AK8: variants seen among roughly 807,000 people sequenced by gnomAD.
AK8 encodes adenylate kinase 8.
A neutral mutation model predicts 54.6 loss-of-function variants in AK8; 44 were observed. The ratio of observed to expected loss-of-function variants is 0.81; its 90% CI spans 0.63 to 1.04. The LOEUF is 1.04. AK8 is among the 50% of genes least tolerant of loss of function. AK8 has a pLI of 0.00. For missense variants in AK8, 555 were observed against 613.6 expected (o/e 0.90, Z 1.01); for synonymous variants, 239 against 245.6 (o/e 0.97, Z 0.25).
intron 10 of AK8, among the ~76,000 whole-genome samples, chr9:132,805,809 A>C (rs1265298278): frequency 6.6e-6 from 1 of 151,664 alleles, no homozygotes; most frequent in African/African-American, 2.4e-5. Context: ...GCTGAAAAAG[A>C]CTCCTACCTA....
Position 132,837,191 on chromosome 9 carries a change from C to T in AK8, c.403-8465G>A, listed in dbSNP as rs371412777. Among the ~76,000 whole-genome samples, 15 of 151,972 alleles carry T rather than the reference C, an allele frequency of 9.9e-5. No homozygotes were observed. The highest frequency in any genetic ancestry group is 3.9e-4 in the Admixed American group (6 of 15,254). On this transcript the variant is annotated intron_variant, in intron 5 of 12. Transcript: ENST00000298545. The surrounding 1 kb of genome is among the most constrained non-coding windows in gnomAD (Gnocchi z 4.3). ...AAAATTATCTGGGCGTGGTGGCGGG[C>T]GCCTGTAATCCCAGCTACTCGGGAG... is the stretch of plus-strand genomic sequence containing the variant.
At chr9:132,729,092 C>T (rs1836706988) in intron 11 of AK8, among the ~76,000 whole-genome samples, 1 of 152,016 alleles carries the variant, frequency 6.6e-6, no homozygotes, top group Non-Finnish European at 1.5e-5. Flanking sequence ...CACTATGTTG[C>T]CCAGCTGTTC....
chr9:132,747,164 CAG>C (rs1488275704), intron 11 of AK8, among the ~76,000 whole-genome samples: 4 of 152,204 alleles, frequency 2.6e-5, no homozygotes, highest in Non-Finnish European at 5.9e-5. Context: ...TTCTTTGAGA[CAG>C]AGTCTCGCTC....
intron 2 of AK8, among the ~76,000 whole-genome samples, chr9:132,872,609 G>T (rs1843898187): frequency 6.6e-6 from 1 of 151,730 alleles, no homozygotes; most frequent in South Asian, 2.1e-4. Context: ...GGAGCTACAG[G>T]TGCACCACCA....
chr9:132,761,046 A>C (rs914450733), intron 11 of AK8, among the ~76,000 whole-genome samples: 16 of 152,062 alleles, frequency 1.1e-4, no homozygotes, highest in African/African-American at 3.9e-4. Context: ...TAATCTTATG[A>C]AATGTATTGT....
chr9:132,828,518 T>C, intron 6 of AK8, 127 bp downstream of exon 6: 1 of 757,994 alleles, frequency 1.3e-6, no homozygotes, highest in Non-Finnish European at 2.2e-6. Context: ...TGTGCTGTCC[T>C]CTTCCTTGCT....
chr9:132,846,071 T>C (rs988089825), intron 5 of AK8, among the ~76,000 whole-genome samples: 1 of 152,198 alleles, frequency 6.6e-6, no homozygotes, highest in African/African-American at 2.4e-5. Flanking sequence ...AGGCCCTGCA[T>C]CTCTGGATTC....
At chr9:132,827,149 G>C in intron 7 of AK8, 95 bp from the exon 8 acceptor site, 1 of 1,292,786 alleles carries the variant, frequency 7.7e-7, no homozygotes, top group Admixed American at 1.8e-5. Context: ...CTGGAGGCCA[G>C]GCCCTACACA....
intron 2 of AK8, chr9:132,874,256 A>T (rs1843989515): frequency 6.6e-6 from 1 of 152,230 alleles, no homozygotes; most frequent in Non-Finnish European, 1.5e-5. Flanking sequence ...CCAGGCCTGG[A>T]TGCGTCAGGA....
Position 132,878,280 on chromosome 9 carries a change from C to T in AK8, c.-25G>A. ...TGTAGCCGTCTCGGCTCGCCGCTCC[C>T]TAGTAACCGCGTCGCTAGGGCCGCC... On this transcript the variant is annotated 5_prime_UTR_variant, in exon 1 of 13. Transcript: ENST00000298545. This position sits in a 1 kb window ranked among gnomAD's most constrained non-coding sequence, Gnocchi z 4.7. The T allele has an allele frequency of 3.0e-6, 4 of 1,345,180 alleles. No homozygotes were observed. The South Asian group carries it at 7.2e-5, about 24-fold the overall frequency. 83.3% of individuals were successfully genotyped at this position (1,345,180 alleles called of 1,614,324 possible). A position where few individuals can be genotyped will look rare whatever the true frequency, so the allele number is the denominator to read the frequency against.
At position 132,875,200 on chromosome 9, in the gene AK8, C is replaced by G. The variant is rs1264874786; in HGVS notation, c.85-1G>C. 1 of 1,614,090 alleles carries G rather than the reference C, an allele frequency of 6.2e-7. No individual in the cohort carries two copies. The highest frequency in any genetic ancestry group is 8.5e-7 in the Non-Finnish European group (1 of 1,179,996). ...GGATCAGGAGTTGCTCCAGCATGTT[C>G]TGTGGGTGCAGGGCAGACACCCAGG... On this transcript the variant is annotated splice_acceptor_variant, in intron 1 of 12. Transcript: ENST00000298545. LOFTEE classifies it high-confidence loss of function.
intron 11 of AK8, among the ~76,000 whole-genome samples, chr9:132,749,701 T>C (rs895097056): frequency 1.1e-4 from 16 of 149,002 alleles, no homozygotes; most frequent in Non-Finnish European, 1.8e-4. Flanking sequence ...TCATTTACTC[T>C]GTTTTTTTTT....
chr9:132,727,195 C>T (rs934293846), intron 12 of AK8, among the ~76,000 whole-genome samples: 1 of 152,160 alleles, frequency 6.6e-6, no homozygotes. Context: ...TGGGATTAAG[C>T]TGTTGATCCC....
In AK8 at chr9:132,875,216, G is replaced by T. The variant is rs1420082259; in HGVS notation, c.85-17C>A. The T allele has an allele frequency of 5.0e-6, 8 of 1,613,750 alleles. 1 individual carries two copies. Among genetic ancestry groups the T allele is most frequent in the Middle Eastern group, 3.3e-4 (2 of 6,008 alleles). On this transcript the variant is annotated splice_polypyrimidine_tract_variant and intron_variant, in intron 1 of 12. Coordinates refer to ENST00000298545, the MANE Select transcript of AK8 (RefSeq NM_152572.3). ...CAGCATGTTCTGTGGGTGCAGGGCA[G>T]ACACCCAGGTGGTTAATACCTGCAA...
chr9:132,736,141 C>T (rs866011406), intron 11 of AK8, among the ~76,000 whole-genome samples: 23 of 150,548 alleles, frequency 1.5e-4, no homozygotes, highest in African/African-American at 5.4e-4. Flanking sequence ...ACCAAAATGT[C>T]GTTATGCAGT....
chr9:132,870,744 C>T (rs1011846812), intron 2 of AK8, among the ~76,000 whole-genome samples: 3 of 152,206 alleles, frequency 2.0e-5, no homozygotes, highest in African/African-American at 7.2e-5. Flanking sequence ...CAGTTAACCC[C>T]AGGCCCAGTA....
intron 11 of AK8, among the ~76,000 whole-genome samples, chr9:132,748,906 A>C (rs1488925885): frequency 1.3e-5 from 2 of 151,736 alleles, no homozygotes; most frequent in African/African-American, 2.4e-5. Context: ...ACTAAGTCTC[A>C]CTCTTGACCC....
chr9:132,799,313 G>A lies in AK8; in HGVS notation c.980-6538C>T, dbSNP rs115327916. On this transcript the variant is annotated intron_variant, in intron 10 of 12. Coordinates refer to ENST00000298545, the MANE Select transcript of AK8 (RefSeq NM_152572.3). The surrounding 1 kb of genome is among the most constrained non-coding windows in gnomAD (Gnocchi z 5.0). The stretch of plus-strand genomic sequence containing the variant: ...AGATAGGACAAAAAGTGGAGAGAAG[G>A]AAATAGCTCCTTCAGCCAGTGGCTT... 6.7e-3 allele frequency among the ~76,000 whole-genome samples: 1,021 copies of A among 152,254 alleles called. 5 individuals carry two copies. The highest frequency in any genetic ancestry group is 0.019 in the African/African-American group (792 of 41,530).
At chr9:132,822,867 G>T (rs746464521) in intron 9 of AK8, among the ~76,000 whole-genome samples, 2 of 152,160 alleles carry the variant, frequency 1.3e-5, no homozygotes, top group East Asian at 3.8e-4. Flanking sequence ...CTTCAGGGGA[G>T]ATGGCAGGGG....
Sources: gnomAD v4.1 joint callset for allele counts (sites outside exome capture counted in the v4.1 genomes callset) on GRCh38, gnomAD v4.1.1 for gene constraint, Gnocchi (gnomAD v3.1) non-coding constraint, MANE v1.5 for transcripts, NCBI Gene and HGNC (gene_info 2026-07-23, HGNC 2026-07-21) for gene names.